PALLD: variants seen among roughly 807,000 people sequenced by gnomAD.
PALLD encodes palladin, cytoskeletal associated protein.
A neutral mutation model predicts 123.5 loss-of-function variants in PALLD; 61 were observed. The ratio of observed to expected loss-of-function variants is 0.49; its 90% CI spans 0.40 to 0.61. The LOEUF is 0.61. PALLD is among the 20% of genes least tolerant of loss of function. The pLI, the probability that PALLD is intolerant of heterozygous loss-of-function variation, is 0.00. For missense variants in PALLD, 1,273 were observed against 1,377.0 expected (o/e 0.92, Z 1.20); for synonymous variants, 465 against 496.4 (o/e 0.94, Z 0.84).
intron 8 of PALLD, among the ~76,000 whole-genome samples, chr4:168,706,148 C>A (rs1784208679): frequency 6.6e-6 from 1 of 152,090 alleles, no homozygotes; most frequent in South Asian, 2.1e-4. Flanking sequence ...GCCCACTGAA[C>A]AGCAACTGCC....
chr4:168,708,515 T>A (rs530551621), intron 8 of PALLD, among the ~76,000 whole-genome samples: 3 of 152,334 alleles, frequency 2.0e-5, no homozygotes, highest in Admixed American at 1.3e-4. Context: ...CCATGCCACT[T>A]AACAGTACCT....
intron 10 of PALLD, among the ~76,000 whole-genome samples, chr4:168,726,458 T>C (rs1239232323): frequency 1.3e-5 from 2 of 152,232 alleles, no homozygotes. Flanking sequence ...TGCTCTCTTC[T>C]TTAAGGTGTT....
At chr4:168,556,102 C>T (rs67135124) in intron 2 of PALLD, among the ~76,000 whole-genome samples, 43,129 of 148,692 alleles carry the variant, frequency 0.29, 6,435 homozygotes, top group South Asian at 0.44. Context: ...TATTAATACC[C>T]TTTTTTTTTT....
intron 10 of PALLD, among the ~76,000 whole-genome samples, chr4:168,740,035 T>G (rs1367797315): frequency 6.6e-6 from 1 of 152,156 alleles, no homozygotes; most frequent in African/African-American, 2.4e-5. Flanking sequence ...AATTCATTGC[T>G]TCCTCTTAAT....
intron 10 of PALLD, among the ~76,000 whole-genome samples, chr4:168,802,677 C>T (rs1051571178): frequency 6.6e-6 from 1 of 152,012 alleles, no homozygotes. Context: ...CAGCTAAAGG[C>T]AGACCATCTA....
At chr4:168,825,814 C>A (rs748791404) in intron 10 of PALLD, among the ~76,000 whole-genome samples, 1 of 152,090 alleles carries the variant, frequency 6.6e-6, no homozygotes, top group Non-Finnish European at 1.5e-5. Context: ...ACATGAAATG[C>A]GACACAAGAT....
rs1259424864 is a variant in PALLD, at chr4:168,927,125, A to ACAGTT, written c.*948_*952dup. On this transcript the variant is annotated 3_prime_UTR_variant, in exon 22 of 22. Coordinates refer to ENST00000505667, the MANE Select transcript of PALLD (RefSeq NM_001166108.2). ...GCTCTGAATAAAGCAGAAATATATTACAGTTCATTCCACAGAAAGCATCCA... is the reference window on the plus strand; with the variant it reads ...GCTCTGAATAAAGCAGAAATATATTACAGTTCAGTTCATTCCACAGAAAGCATCCA... The ACAGTT allele has an allele frequency of 1.3e-5, 3 of 227,024 alleles. No homozygotes were observed. The highest frequency in any genetic ancestry group is 6.7e-5 in the African/African-American group (3 of 44,994). The allele number at this position is 227,024 out of a possible 1,614,324, so 14.1% of individuals were successfully genotyped here.
intron 10 of PALLD, among the ~76,000 whole-genome samples, chr4:168,884,893 T>C (rs1284176650): frequency 1.3e-5 from 2 of 152,234 alleles, no homozygotes; most frequent in Non-Finnish European, 2.9e-5. Flanking sequence ...TCTAAGTGTT[T>C]AGTACACATT....
Position 168,584,430 on chromosome 4 carries a change from C to A in PALLD, c.908+72018C>A, listed in dbSNP as rs140772918. Among the ~76,000 whole-genome samples the A allele has an allele frequency of 5.2e-3, 787 of 152,290 alleles. 10 individuals carry two copies. The highest frequency in any genetic ancestry group is 0.017 in the Middle Eastern group (5 of 294). ...ACAAAGAAATGTGTTCATAAGTCAT[C>A]TTTCTTGGATCTCAACCAAAAATTG... On this transcript the variant is annotated intron_variant, in intron 2 of 21. Coordinates refer to ENST00000505667, the MANE Select transcript of PALLD (RefSeq NM_001166108.2).
Position 168,882,795 on chromosome 4 carries a change from C to T in PALLD, c.1965-8127C>T, listed in dbSNP as rs547182483. Among the ~76,000 whole-genome samples, 9 of 152,278 alleles carry T rather than the reference C, an allele frequency of 5.9e-5. No individual in the cohort carries two copies. In the East Asian group the frequency reaches 1.7e-3, roughly 29 times the overall value. ...TGAAATGTCTCTGCCCCTGGGGCAGCTCAAAATCAGACCTGTACGGCTGTG... is the reference window on the plus strand; with the variant it reads ...TGAAATGTCTCTGCCCCTGGGGCAGTTCAAAATCAGACCTGTACGGCTGTG... On this transcript the variant is annotated intron_variant, in intron 10 of 21. Coordinates refer to ENST00000505667, the MANE Select transcript of PALLD (RefSeq NM_001166108.2).
At chr4:168,906,287 A>G (rs184414984) in intron 15 of PALLD, among the ~76,000 whole-genome samples, 101 of 152,358 alleles carry the variant, frequency 6.6e-4, no homozygotes, top group African/African-American at 2.3e-3. Context: ...TTTATAGAAC[A>G]AAAGAACATA....
chr4:168,829,218 T>A (rs542516571), intron 10 of PALLD: 1 of 152,348 alleles, frequency 6.6e-6, no homozygotes, highest in East Asian at 1.9e-4. Flanking sequence ...CTTCATGGAT[T>A]TCGGCACTGA....
chr4:168,771,763 C>T (rs926524315), intron 10 of PALLD, among the ~76,000 whole-genome samples: 3 of 152,144 alleles, frequency 2.0e-5, no homozygotes, highest in African/African-American at 7.2e-5. Context: ...TGCCAGCACC[C>T]CTTGGTTGTA....
chr4:168,915,853 C>G, intron 16 of PALLD, 42 bp from the exon 17 acceptor site: 1 of 1,532,814 alleles, frequency 6.5e-7, no homozygotes, highest in South Asian at 1.1e-5. Context: ...GAAGTAACTA[C>G]TATCTATATT....
At chr4:168,893,936 T>C (rs569414306) in intron 11 of PALLD, among the ~76,000 whole-genome samples, 241 of 152,346 alleles carry the variant, frequency 1.6e-3, no homozygotes, top group African/African-American at 5.2e-3. Flanking sequence ...AATTCAGCCA[T>C]GTGCATCATT....
chr4:168,501,372 C>T (rs1294780682), intron 1 of PALLD, among the ~76,000 whole-genome samples: 1 of 151,964 alleles, frequency 6.6e-6, no homozygotes, highest in East Asian at 1.9e-4. Context: ...TATGATCACA[C>T]CATCGCACTA....
chr4:168,852,802 C>T (rs1265556197), intron 10 of PALLD, among the ~76,000 whole-genome samples: 1 of 152,172 alleles, frequency 6.6e-6, no homozygotes, highest in Non-Finnish European at 1.5e-5. Flanking sequence ...TAATCGGCTA[C>T]AATTTCTCTT....
chr4:168,878,428 CCCTCCG>C (rs1752134418), intron 10 of PALLD: 1 of 1,432,134 alleles, frequency 7.0e-7, no homozygotes, highest in Admixed American at 2.6e-5. Context: ...ACTTCCCTGC[CCCTCCG>C]CCTCGGGTCG....
In PALLD at chr4:168,926,418, A is replaced by AC. The variant is rs564720992; in HGVS notation, c.*239dup. 6.8e-5 allele frequency: 100 copies of AC among 1,473,874 alleles called. No individual in the cohort carries two copies. The East Asian group carries it at 2.2e-3, about 32-fold the overall frequency. The allele number at this position is 1,473,874 out of a possible 1,614,324, so 91.3% of individuals were successfully genotyped here. A position where few individuals can be genotyped will look rare whatever the true frequency, so the allele number is the denominator to read the frequency against. ...TTCTTGTTAAAGCTGAAACACTGAA[A>AC]CAGCCATTGCCTTGACCAACATATT... On this transcript the variant is annotated 3_prime_UTR_variant, in exon 22 of 22. Coordinates refer to ENST00000505667, the MANE Select transcript of PALLD (RefSeq NM_001166108.2).
Sources: allele counts gnomAD v4.1 joint callset (sites outside exome capture counted in the v4.1 genomes callset), GRCh38; gene constraint gnomAD v4.1.1; transcripts MANE v1.5; gene names NCBI Gene and HGNC (gene_info 2026-07-23, HGNC 2026-07-21).